Variants in KCNMB3 observed in about 807,000 individuals in gnomAD.
KCNMB3 encodes potassium calcium-activated channel subfamily M regulatory beta subunit 3.
Under a neutral mutation model 11.9 loss-of-function variants are expected in KCNMB3, and 18 were observed. That is an observed-to-expected ratio of 1.51 (90% CI 1.04 to 2.23). The LOEUF (loss-of-function observed/expected upper bound fraction) is 2.23, where lower values mean the gene tolerates loss of function less well. Ranked by LOEUF, KCNMB3 falls within the 30% of genes most tolerant of loss-of-function variation. The pLI is 0.00. For missense variants in KCNMB3, 247 were observed against 329.4 expected (o/e 0.75, Z 1.94); for synonymous variants, 78 against 119.2 (o/e 0.65, Z 2.25).
intron 1 of KCNMB3, among the ~76,000 whole-genome samples, chr3:179,247,930 CTT>C (rs1476584650): frequency 6.6e-6 from 1 of 151,940 alleles, no homozygotes; most frequent in Non-Finnish European, 1.5e-5. Flanking sequence ...TCCTGTTGCT[CTT>C]TGGCTGTCCA....
Position 179,250,781 on chromosome 3 carries a change from G to C in KCNMB3, c.210C>G (p.Phe70Leu). 6.2e-7 allele frequency: 1 copy of C among 1,614,176 alleles called. No homozygotes were observed. ...AMMGFSVLMF[F>L]LLGTTILKPF... ...GCTTTAGAATGGTTGTTCCGAGCAA[G>C]AAGAACATTAGGACTGAGAAGCCCA... Residue 70 changes from phenylalanine (F) to leucine (L), a missense_variant, in exon 1 of 3, where the codon TTC becomes TTG. Physicochemically the swap from Phe to Leu is conservative, Grantham distance 22 (BLOSUM62 0). Coordinates refer to ENST00000392685, the MANE Select transcript of KCNMB3 (RefSeq NM_171830.2).
intron 1 of KCNMB3, chr3:179,261,214 C>T (rs1226225370): frequency 7.3e-7 from 1 of 1,365,090 alleles, no homozygotes; most frequent in East Asian, 2.6e-5. Context: ...CCGCCAGCCT[C>T]TGCGCTTCCG....
intron 1 of KCNMB3, among the ~76,000 whole-genome samples, chr3:179,248,822 T>G (rs1299772021): frequency 6.6e-6 from 1 of 151,926 alleles, no homozygotes; most frequent in Non-Finnish European, 1.5e-5. Context: ...TGTATGTTTA[T>G]ATGTATTATA....
intron 1 of KCNMB3, chr3:179,261,080 G>A: frequency 9.0e-7 from 1 of 1,113,988 alleles, no homozygotes; most frequent in South Asian, 1.2e-5. Flanking sequence ...CATGTTACGA[G>A]ACCCCTTCTC....
chr3:179,241,880 C>T (rs1161100920), downstream of KCNMB3: 1 of 154,166 alleles, frequency 6.5e-6, no homozygotes, highest in African/African-American at 2.4e-5. Flanking sequence ...TGTGGATCAT[C>T]TGAGATGAAT....
At chr3:179,242,611 T>G (rs1725491285), downstream of KCNMB3, 1 of 281,184 alleles carries the variant, frequency 3.6e-6, no homozygotes, top group African/African-American at 2.3e-5. Flanking sequence ...TGGTTCTAGC[T>G]AGAGCTGAAA....
chr3:179,245,574 A>G (rs1164664075), intron 1 of KCNMB3, among the ~76,000 whole-genome samples: 1 of 151,864 alleles, frequency 6.6e-6, no homozygotes, highest in East Asian at 1.9e-4. Context: ...ATCTCGGCTC[A>G]CTGCAACCTC....
chr3:179,242,011 T>TA (rs1315531662), downstream of KCNMB3: 4 of 154,126 alleles, frequency 2.6e-5, no homozygotes, highest in East Asian at 7.7e-4. Flanking sequence ...AAAGAAAAAT[T>TA]ACATGGTACA....
chr3:179,250,748 C>A lies in KCNMB3; in HGVS notation c.243G>T (p.Met81Ile). 6.2e-7 allele frequency: 1 copy of A among 1,614,174 alleles called. No individual in the cohort carries two copies. Among genetic ancestry groups the A allele is most frequent in the South Asian group, 1.1e-5 (1 of 91,080 alleles). ...LLGTTILKPF[M>I]LSIQREESTC... ...TTCCTTCCTCTGTTTCTTACCTGAG[C>A]ATAAAAGGCTTTAGAATGGTTGTTC... Residue 81 changes from methionine (M) to isoleucine (I), a missense_variant, in exon 1 of 3, where the codon ATG becomes ATT. Around this residue, in one of 2 missense-constraint regions of KCNMB3, gnomAD observed 160 missense variants for 157.5 expected, o/e 1.02. Transcript: ENST00000392685.
chr3:179,251,941 C>T (rs759809522), upstream of KCNMB3, among the ~76,000 whole-genome samples: 3 of 152,066 alleles, frequency 2.0e-5, no homozygotes, highest in African/African-American at 7.2e-5. Flanking sequence ...ATAATGGTCT[C>T]GAACGCCTGA....
rs780537174 is a variant in KCNMB3 at position 179,243,160 on chromosome 3, T to A, written c.572A>T (p.Gln191Leu). 3 of 1,516,892 alleles carry A rather than the reference T, an allele frequency of 2.0e-6. No homozygotes were observed. In the South Asian group the frequency reaches 3.6e-5, roughly 18 times the overall value. The allele number at this position is 1,516,892 out of a possible 1,614,324, so 94.0% of individuals were successfully genotyped here. A position where few individuals can be genotyped will look rare whatever the true frequency, so the allele number is the denominator to read the frequency against. The change falls in exon 3 of 3, where the codon CAA (glutamine) becomes CTA (leucine). Residue 191 changes from glutamine (Q) to leucine (L), a missense_variant. Gln to Leu is a moderately radical substitution (Grantham distance 113, BLOSUM62 -2). This residue lies in a region of KCNMB3 where 87 missense variants were observed against 171.9 expected (regional missense o/e 0.51). Transcript: ENST00000392685. The stretch of plus-strand genomic sequence containing the variant: ...TTTTATAAGAATGACATCTTCAGAT[T>A]GGCTGGCTGGACTGTAGAAGCATGA... ...PFSCFYSPAS[Q>L]SEDVILIKKY...
intron 1 of KCNMB3, among the ~76,000 whole-genome samples, chr3:179,245,027 C>T (rs1725589234): frequency 6.6e-6 from 1 of 152,172 alleles, no homozygotes; most frequent in South Asian, 2.1e-4. Flanking sequence ...GATTCCAGGG[C>T]TTCATTCCAG....
downstream of KCNMB3, chr3:179,239,919 T>G: frequency 1.2e-6 from 1 of 851,084 alleles, no homozygotes; most frequent in Non-Finnish European, 1.9e-6. Flanking sequence ...GAATATAGAA[T>G]AATAACAGTA....
At chr3:179,246,286 C>T (rs923717688) in intron 1 of KCNMB3, among the ~76,000 whole-genome samples, 1 of 152,126 alleles carries the variant, frequency 6.6e-6, no homozygotes, top group Non-Finnish European at 1.5e-5. Context: ...GTGGCCGGCA[C>T]CTGTAATCCC....
intron 1 of KCNMB3, among the ~76,000 whole-genome samples, chr3:179,262,971 C>T (rs940196683): frequency 6.6e-6 from 1 of 152,258 alleles, no homozygotes; most frequent in African/African-American, 2.4e-5. Context: ...CCACCAGACT[C>T]AGGAGCCCAG....
intron 1 of KCNMB3, chr3:179,259,110 C>T: frequency 6.3e-7 from 1 of 1,587,956 alleles, no homozygotes; most frequent in East Asian, 2.2e-5. Flanking sequence ...CCCCGGCTCT[C>T]CTCCTGGTGC....
intron 1 of KCNMB3, among the ~76,000 whole-genome samples, chr3:179,261,523 T>TGGCGCGGGGGAAGCGG (rs1399777019): frequency 6.6e-6 from 1 of 151,860 alleles, no homozygotes; most frequent in Non-Finnish European, 1.5e-5. Flanking sequence ...GGGGGTGGAA[T>TGGCGCGGGGGAAGCGG]GGCGCGGGGG....
chr3:179,266,828 C>T (rs1029174604), exon 1 of KCNMB3: 5 of 1,465,272 alleles, frequency 3.4e-6, no homozygotes, highest in African/African-American at 1.4e-5. Flanking sequence ...CCCCAGCCCC[C>T]AGCGCAGCTG....
exon 1 of KCNMB3, chr3:179,266,917 G>A (rs1726385961): frequency 7.1e-7 from 1 of 1,412,180 alleles, no homozygotes; most frequent in Admixed American, 2.9e-5. Flanking sequence ...CAGACTCCTG[G>A]CAAGGCGGAG....
Sources: allele counts gnomAD v4.1 joint callset (sites outside exome capture counted in the v4.1 genomes callset), GRCh38; gene constraint gnomAD v4.1.1; regional missense constraint gnomAD v4.1.1; transcripts MANE v1.5; gene names NCBI Gene and HGNC (gene_info 2026-07-23, HGNC 2026-07-21).